The following HMBOX1 variants were observed in gnomAD, a reference collection of about 807,000 sequenced individuals.
HMBOX1 encodes homeobox-containing protein 1.
In HMBOX1, 14 loss-of-function variants were observed where a neutral mutation model predicts 54.5. The ratio of observed to expected loss-of-function variants is 0.26; its 90% CI spans 0.17 to 0.40. The LOEUF (loss-of-function observed/expected upper bound fraction) is 0.40, where lower values mean the gene tolerates loss of function less well. Ranked by LOEUF, HMBOX1 falls within the 10% of genes least tolerant of loss-of-function variation. The pLI is 1.00. For missense variants in HMBOX1, 332 were observed against 514.4 expected, an observed-to-expected ratio of 0.65 and a Z score of 3.43; for synonymous variants, 160 against 181.0, an observed-to-expected ratio of 0.88 and a Z score of 0.93.
intron 3 of HMBOX1, among the ~76,000 whole-genome samples, chr8:28,978,626 A>C (rs886227407): frequency 2.0e-5 from 3 of 152,108 alleles, no homozygotes; most frequent in Non-Finnish European, 4.4e-5. Flanking sequence ...GACTCTACTA[A>C]AAATGCAAAA....
intron 2 of HMBOX1, among the ~76,000 whole-genome samples, chr8:28,967,502 C>T (rs1190735901): frequency 6.6e-6 from 1 of 152,114 alleles, no homozygotes; most frequent in Non-Finnish European, 1.5e-5. Flanking sequence ...AGTGCTGCTC[C>T]ATACAAGGAA....
At position 28,904,764 on chromosome 8, in the gene HMBOX1, C is replaced by T. The variant is rs181069387; in HGVS notation, c.-58+14086C>T. 1.8e-3 allele frequency among the ~76,000 whole-genome samples: 266 copies of T among 151,896 alleles called. 1 individual carries two copies. The highest frequency in any genetic ancestry group is 6.2e-3 in the African/African-American group (257 of 41,384). On this transcript the variant is annotated intron_variant, in intron 1 of 9. Coordinates refer to ENST00000287701, the MANE Select transcript of HMBOX1 (RefSeq NM_001135726.3). ...CCATCTTGCTCACTGCAAGCTCTGC[C>T]TCCTGGGTTCACACCATTCTCCTGC...
intron 4 of HMBOX1, among the ~76,000 whole-genome samples, chr8:28,980,361 A>G (rs986769011): frequency 6.6e-6 from 1 of 152,214 alleles, no homozygotes; most frequent in Non-Finnish European, 1.5e-5. Context: ...AGTAAATTTT[A>G]TAGCATTTTT....
intron 1 of HMBOX1, among the ~76,000 whole-genome samples, chr8:28,950,861 A>G (rs2132120641): frequency 6.6e-6 from 1 of 152,316 alleles, no homozygotes; most frequent in African/African-American, 2.4e-5. Context: ...AAAGTAGGGA[A>G]CATAATTGAG....
At chr8:29,001,889 C>CATTT (rs1394306612) in intron 4 of HMBOX1, among the ~76,000 whole-genome samples, 1 of 152,136 alleles carries the variant, frequency 6.6e-6, no homozygotes, top group Non-Finnish European at 1.5e-5. Flanking sequence ...GAATTCAGAA[C>CATTT]AGAATGTAAA....
Position 29,051,851 on chromosome 8 carries a change from T to C in HMBOX1, c.*696T>C. ...ACTTAGTAGATAAAATACTGCCTTC[T>C]GCCTTTGGGACCATGATTAAAAACA... is the stretch of plus-strand genomic sequence containing the variant. On this transcript the variant is annotated 3_prime_UTR_variant, in exon 10 of 10. Coordinates refer to ENST00000287701, the MANE Select transcript of HMBOX1 (RefSeq NM_001135726.3). 2.9e-6 allele frequency: 1 copy of C among 347,038 alleles called. No homozygotes were observed. The highest frequency in any genetic ancestry group is 5.2e-6 in the Non-Finnish European group (1 of 193,954). 21.5% of individuals were successfully genotyped at this position (347,038 alleles called of 1,614,324 possible).
chr8:28,973,727 A>G (rs1271725186), intron 3 of HMBOX1, among the ~76,000 whole-genome samples: 1 of 151,314 alleles, frequency 6.6e-6, no homozygotes, highest in Non-Finnish European at 1.5e-5. Flanking sequence ...CTCATACACA[A>G]GATGTAGTTT....
chr8:28,978,301 T>C (rs2132450980), intron 3 of HMBOX1, among the ~76,000 whole-genome samples: 1 of 152,366 alleles, frequency 6.6e-6, no homozygotes, highest in South Asian at 2.1e-4. Context: ...AATAGGATAC[T>C]TCAGTTTCTC....
intron 4 of HMBOX1, among the ~76,000 whole-genome samples, chr8:29,007,294 A>G (rs1833600262): frequency 6.6e-6 from 1 of 152,164 alleles, no homozygotes; most frequent in African/African-American, 2.4e-5. Context: ...GTTTCCAAAA[A>G]AATACAAAGA....
rs562685092 is a variant in HMBOX1, at chr8:29,045,357, G to A, written c.852-4G>A. ...CTTTGTGTCTGTATCGGTTGCCTCT[G>A]CAGTTACTTCAATGAGAATCAATAC... is the stretch of plus-strand genomic sequence containing the variant. On this transcript the variant is annotated splice_region_variant and splice_polypyrimidine_tract_variant and intron_variant, in intron 6 of 9. Coordinates refer to ENST00000287701, the MANE Select transcript of HMBOX1 (RefSeq NM_001135726.3). 1.6e-5 allele frequency: 26 copies of A among 1,612,766 alleles called. 1 individual carries two copies. The South Asian group carries it at 2.6e-4, about 16-fold the overall frequency.
intron 1 of HMBOX1, among the ~76,000 whole-genome samples, chr8:28,921,113 T>C (rs1422513938): frequency 6.6e-6 from 1 of 152,154 alleles, no homozygotes; most frequent in Non-Finnish European, 1.5e-5. Flanking sequence ...GGCGGGTGGA[T>C]CATTTGAGAT....
chr8:28,957,362 C>T (rs1433838704), intron 1 of HMBOX1, among the ~76,000 whole-genome samples: 1 of 152,086 alleles, frequency 6.6e-6, no homozygotes, highest in African/African-American at 2.4e-5. Context: ...ACTTTGGGTA[C>T]ACGTGCACAT....
intron 1 of HMBOX1, among the ~76,000 whole-genome samples, chr8:28,939,776 C>T (rs1477929144): frequency 6.6e-6 from 1 of 152,062 alleles, no homozygotes; most frequent in African/African-American, 2.4e-5. Context: ...TCCTGAAGTG[C>T]TGGGGTTACA....
At chr8:28,935,233 A>G (rs1322849745) in intron 1 of HMBOX1, among the ~76,000 whole-genome samples, 1 of 152,188 alleles carries the variant, frequency 6.6e-6, no homozygotes, top group Admixed American at 6.5e-5. Flanking sequence ...TCTCAATCAA[A>G]TCCCTGGGAG....
chr8:28,931,592 C>G (rs1057197439), intron 1 of HMBOX1, among the ~76,000 whole-genome samples: 4 of 152,052 alleles, frequency 2.6e-5, no homozygotes, highest in Non-Finnish European at 5.9e-5. Context: ...CTCAGGCTGG[C>G]GTGCAGTGTT....
intron 1 of HMBOX1, among the ~76,000 whole-genome samples, chr8:28,913,034 G>C (rs1815768272): frequency 6.6e-6 from 1 of 152,034 alleles, no homozygotes; most frequent in Admixed American, 6.6e-5. Flanking sequence ...TCTATATTCT[G>C]TTTCCAAATA....
rs1038768899 is a variant in HMBOX1, at chr8:29,052,348, T to TGGAGA, written c.*1196_*1200dup. ...TTTGCTGTTCTCTTTACTCTGTCCTTGGAGAGGTGTGAAAAGCTGTATTGC... is the reference window on the plus strand; with the variant it reads ...TTTGCTGTTCTCTTTACTCTGTCCTTGGAGAGGAGAGGTGTGAAAAGCTGTATTGC... On this transcript the variant is annotated 3_prime_UTR_variant, in exon 10 of 10. Transcript: ENST00000287701. The TGGAGA allele has an allele frequency of 6.6e-6, 1 of 152,176 alleles. No individual in the cohort carries two copies. Among genetic ancestry groups the TGGAGA allele is most frequent in the African/African-American group, 2.4e-5 (1 of 41,446 alleles). 9.4% of individuals were successfully genotyped at this position (152,176 alleles called of 1,614,324 possible). A position where few individuals can be genotyped will look rare whatever the true frequency, so the allele number is the denominator to read the frequency against.
At chr8:28,897,295 A>T (rs1042586423) in intron 1 of HMBOX1, among the ~76,000 whole-genome samples, 164 of 146,876 alleles carry the variant, frequency 1.1e-3, no homozygotes, top group Non-Finnish European at 1.9e-3. Flanking sequence ...TTTTTTTTTT[A>T]AATGAGGAAT....
At chr8:28,926,304 T>TATATATATACAC (rs796953426) in intron 1 of HMBOX1, among the ~76,000 whole-genome samples, 15 of 142,212 alleles carry the variant, frequency 1.1e-4, no homozygotes, top group African/African-American at 3.4e-4. Context: ...TATATATATA[T>TATATATATACAC]ACACACACAC....
Sources: allele counts gnomAD v4.1 joint callset (sites outside exome capture counted in the v4.1 genomes callset), GRCh38; gene constraint gnomAD v4.1.1; transcripts MANE v1.5; gene names NCBI Gene and HGNC (gene_info 2026-07-23, HGNC 2026-07-21).